Variants in FNDC3A observed in about 807,000 individuals in gnomAD.
FNDC3A encodes the protein fibronectin type III domain containing 3A.
In FNDC3A, 32 loss-of-function variants were observed where a neutral mutation model predicts 148.9. The ratio of observed to expected loss-of-function variants is 0.21; its 90% CI spans 0.16 to 0.29. The LOEUF is 0.29. Ranked by LOEUF, FNDC3A falls within the 10% of genes least tolerant of loss-of-function variation. The pLI, the probability that FNDC3A is intolerant of heterozygous loss-of-function variation, is 1.00. For synonymous variants in FNDC3A, 472 were observed against 473.6 expected (o/e 1.00, Z 0.04); for missense variants, 1,191 against 1,452.8 (o/e 0.82, Z 2.93).
At chr13:49,205,409 A>C (rs919456205) in intron 25 of FNDC3A, among the ~76,000 whole-genome samples, 1 of 152,194 alleles carries the variant, frequency 6.6e-6, no homozygotes, top group South Asian at 2.1e-4. Context: ...ATCATACAAC[A>C]TTCTGTTTTA....
chr13:48,987,843 C>G (rs1330270895), intron 1 of FNDC3A: 4 of 152,032 alleles, frequency 2.6e-5, no homozygotes, highest in Admixed American at 1.3e-4. Context: ...TAATCACTGC[C>G]CTGTATATAA....
chr13:49,185,491 C>A (rs9591243), intron 14 of FNDC3A, among the ~76,000 whole-genome samples: 6,978 of 152,232 alleles, frequency 0.046, 187 homozygotes, highest in South Asian at 0.13. Context: ...GGAAGTTACA[C>A]ACACCGTCAT....
chr13:49,177,742 C>T (rs977706689), intron 13 of FNDC3A, among the ~76,000 whole-genome samples: 2 of 152,106 alleles, frequency 1.3e-5, no homozygotes, highest in African/African-American at 4.8e-5. Flanking sequence ...TGAAACCAAC[C>T]TTGATGACCT....
At chr13:49,181,876 C>G (rs925682677) in intron 14 of FNDC3A, among the ~76,000 whole-genome samples, 1 of 152,016 alleles carries the variant, frequency 6.6e-6, no homozygotes, top group Non-Finnish European at 1.5e-5. Flanking sequence ...TACTAGAGCT[C>G]TAGGTTCTAC....
intron 3 of FNDC3A, among the ~76,000 whole-genome samples, chr13:49,087,995 G>C (rs1878924390): frequency 6.6e-6 from 1 of 152,044 alleles, no homozygotes; most frequent in East Asian, 1.9e-4. Context: ...AGAATGCTAT[G>C]ATCAGATTTT....
Position 49,197,843 on chromosome 13 carries a change from C to T in FNDC3A, c.2459C>T (p.Ser820Leu), listed in dbSNP as rs1356028458. Reference protein sequence around the residue: ...PGLSYEIKGLSPATTYYCRVQ... With the variant: ...PGLSYEIKGLLPATTYYCRVQ... ...CTCAGTTATGAAATAAAAGGACTTTCACCAGCAACTACCTATTATTGCAGG... is the reference window on the plus strand; with the variant it reads ...CTCAGTTATGAAATAAAAGGACTTTTACCAGCAACTACCTATTATTGCAGG... The change falls in exon 21 of 26, where the codon TCA becomes TTA. Residue 820 changes from serine to leucine, a missense_variant. Transcript: ENST00000492622. 4.4e-6 allele frequency: 7 copies of T among 1,606,336 alleles called. No homozygotes were observed. Among genetic ancestry groups the T allele is most frequent in the Admixed American group, 3.5e-5 (2 of 57,176 alleles).
At chr13:49,098,606 T>C (rs536129686) in intron 3 of FNDC3A, among the ~76,000 whole-genome samples, 1 of 152,266 alleles carries the variant, frequency 6.6e-6, no homozygotes, top group Admixed American at 6.5e-5. Flanking sequence ...ACACATCTCC[T>C]TCAAGTTTTC....
chr13:49,073,255 T>C (rs964478635), intron 2 of FNDC3A, among the ~76,000 whole-genome samples: 1 of 152,188 alleles, frequency 6.6e-6, no homozygotes, highest in African/African-American at 2.4e-5. Flanking sequence ...AATATTATTA[T>C]TCTTAATATG....
At chr13:49,077,674 T>TGC (rs1448011194) in intron 3 of FNDC3A, among the ~76,000 whole-genome samples, 2 of 152,182 alleles carry the variant, frequency 1.3e-5, no homozygotes, top group African/African-American at 4.8e-5. Flanking sequence ...AAATACCTAA[T>TGC]GCATGCAGGG....
At chr13:49,129,581 C>T (rs1336764019) in intron 4 of FNDC3A, among the ~76,000 whole-genome samples, 1 of 152,194 alleles carries the variant, frequency 6.6e-6, no homozygotes. Context: ...TTCCCAGATT[C>T]CCTTCAGGTA....
chr13:49,189,736 G>C (rs777431961), intron 17 of FNDC3A, among the ~76,000 whole-genome samples: 4 of 152,106 alleles, frequency 2.6e-5, no homozygotes, highest in Non-Finnish European at 4.4e-5. Context: ...ACAACACATA[G>C]ACATGCACAA....
chr13:49,186,839 G>A (rs1282023044), intron 15 of FNDC3A, among the ~76,000 whole-genome samples: 1 of 152,158 alleles, frequency 6.6e-6, no homozygotes, highest in African/African-American at 2.4e-5. Context: ...TTGCATTCCA[G>A]CCTGGGCAAC....
intron 11 of FNDC3A, among the ~76,000 whole-genome samples, chr13:49,174,101 A>C (rs2138060719): frequency 6.6e-6 from 1 of 152,306 alleles, no homozygotes; most frequent in African/African-American, 2.4e-5. Flanking sequence ...GACCCTATCA[A>C]AGATCGTCAC....
At chr13:49,148,659 T>C (rs1883124225) in intron 8 of FNDC3A, among the ~76,000 whole-genome samples, 1 of 152,230 alleles carries the variant, frequency 6.6e-6, no homozygotes, top group African/African-American at 2.4e-5. Context: ...CTTTGTTCTT[T>C]TTACTTAGGA....
chr13:49,120,526 A>G (rs1314140797), intron 4 of FNDC3A, among the ~76,000 whole-genome samples: 1 of 152,234 alleles, frequency 6.6e-6, no homozygotes, highest in Admixed American at 6.5e-5. Flanking sequence ...AAATGCCCCA[A>G]TTAAAAGACA....
chr13:49,151,312 A>G (rs892361820), intron 8 of FNDC3A, among the ~76,000 whole-genome samples: 2 of 152,158 alleles, frequency 1.3e-5, no homozygotes, highest in Non-Finnish European at 2.9e-5. Context: ...CTCTTGCTGA[A>G]TTGATCCCTT....
At chr13:49,045,673 G>C in intron 2 of FNDC3A, 1 of 1,105,830 alleles carries the variant, frequency 9.0e-7, no homozygotes, top group Non-Finnish European at 1.3e-6. Flanking sequence ...GCTCTGAAGA[G>C]AAACAGAGAA....
chr13:49,052,433 T>G (rs1205189911), intron 2 of FNDC3A, among the ~76,000 whole-genome samples: 1 of 150,936 alleles, frequency 6.6e-6, no homozygotes, highest in Non-Finnish European at 1.5e-5. Context: ...GAGCTGAACT[T>G]TTTTTTTTGA....
intron 8 of FNDC3A, among the ~76,000 whole-genome samples, chr13:49,158,950 G>T (rs1883906222): frequency 6.6e-6 from 1 of 152,160 alleles, no homozygotes; most frequent in African/African-American, 2.4e-5. Flanking sequence ...TATTATTTCT[G>T]AGGGCTCTGT....
Sources: gnomAD v4.1 joint callset for allele counts (sites outside exome capture counted in the v4.1 genomes callset) on GRCh38, gnomAD v4.1.1 for gene constraint, MANE v1.5 for transcripts, NCBI Gene and HGNC (gene_info 2026-07-23, HGNC 2026-07-21) for gene names.